DAGLB: variants seen among roughly 807,000 people sequenced by gnomAD.
DAGLB encodes diacylglycerol lipase beta.
Under a neutral mutation model 72.1 loss-of-function variants are expected in DAGLB, and 66 were observed. The ratio of observed to expected loss-of-function variants is 0.92; its 90% confidence interval spans 0.75 to 1.12. The LOEUF is 1.12. Among genes scored for constraint, DAGLB ranks in the 50% most tolerant of loss-of-function variants. The probability of loss-of-function intolerance (pLI) is 0.00; values close to 1 mark genes in which losing one functional copy is unlikely to be tolerated. For missense variants in DAGLB, 1,065 were observed against 884.9 expected, an observed-to-expected ratio of 1.20 and a Z score of -2.58; for synonymous variants, 414 against 359.5, an observed-to-expected ratio of 1.15 and a Z score of -1.71.
At chr7:6,419,572 A>G (rs1320864532) in intron 9 of DAGLB, among the ~76,000 whole-genome samples, 1 of 152,230 alleles carries the variant, frequency 6.6e-6, no homozygotes, top group Non-Finnish European at 1.5e-5. Flanking sequence ...AAATGAAGCC[A>G]AGAGGACAGG....
At chr7:6,415,266 G>A (rs1466843846) in intron 11 of DAGLB, among the ~76,000 whole-genome samples, 2 of 151,768 alleles carry the variant, frequency 1.3e-5, no homozygotes, top group Non-Finnish European at 2.9e-5. Context: ...TCATTATTCT[G>A]AACACTTCTT....
chr7:6,434,142 T>C (rs1254291157), intron 4 of DAGLB, among the ~76,000 whole-genome samples: 2 of 151,856 alleles, frequency 1.3e-5, no homozygotes, highest in Non-Finnish European at 2.9e-5. Context: ...GTGTGCAGGA[T>C]AAGCAGAGAA....
intron 2 of DAGLB, among the ~76,000 whole-genome samples, chr7:6,442,549 G>T (rs981035138): frequency 6.6e-6 from 1 of 152,178 alleles, no homozygotes; most frequent in Non-Finnish European, 1.5e-5. Context: ...GGGCAAATAA[G>T]TTAGATAATG....
At chr7:6,446,965 G>T (rs1052523888) in intron 1 of DAGLB, among the ~76,000 whole-genome samples, 6 of 151,986 alleles carry the variant, frequency 3.9e-5, no homozygotes, top group Non-Finnish European at 8.8e-5. Flanking sequence ...AGTGGTGATC[G>T]CACCACTGCA....
rs368231485 is a variant in DAGLB at position 6,421,286 on chromosome 7, C to T, written c.1218+441G>A. On this transcript the variant is annotated intron_variant, in intron 9 of 14. Coordinates refer to ENST00000297056, the MANE Select transcript of DAGLB (RefSeq NM_139179.4). ...CTTAGAACAAACGAAATCCCACAGC[C>T]TCCCAGGGCTGCTGTGAGAATCAGG... Among the ~76,000 whole-genome samples, 56 of 147,386 alleles carry T rather than the reference C, an allele frequency of 3.8e-4. 3 individuals carry two copies. The highest frequency in any genetic ancestry group is 1.3e-3 in the African/African-American group (51 of 39,096).
intron 2 of DAGLB, 47 bp from the exon 3 acceptor site, chr7:6,436,580 T>C (rs1308781770): frequency 1.2e-6 from 2 of 1,609,422 alleles, no homozygotes; most frequent in Admixed American, 1.7e-5. Flanking sequence ...TCCTCAGAGA[T>C]GAAGAGCTTC....
At chr7:6,433,195 G>C (rs1784545699) in intron 4 of DAGLB, among the ~76,000 whole-genome samples, 1 of 152,186 alleles carries the variant, frequency 6.6e-6, no homozygotes. Flanking sequence ...CTATTCGTCT[G>C]TCTTAAAATT....
chr7:6,410,101 G>A (rs557993902), intron 14 of DAGLB, 29 bp downstream of exon 14: 5 of 1,579,674 alleles, frequency 3.2e-6, no homozygotes, highest in Admixed American at 3.5e-5. Flanking sequence ...GCTCCTGCCT[G>A]CCCACCACAC....
Position 6,432,934 on chromosome 7 carries a change from A to T in DAGLB, c.704T>A (p.Ile235Asn). ...FSDTDLVPSD[I>N]AAGLALLHQQ... Reference sequence around the variant, plus strand: ...ATGAAGCAGGGCGAGGCCCGCCGCAATGTCGCTGGGCACCAGATCTGTGTC... The same window carrying T: ...ATGAAGCAGGGCGAGGCCCGCCGCATTGTCGCTGGGCACCAGATCTGTGTC... The change falls in exon 5 of 15, where the codon ATT becomes AAT. Residue 235 changes from isoleucine to asparagine, a missense_variant. Transcript: ENST00000297056. 1 of 1,613,914 alleles carries T rather than the reference A, an allele frequency of 6.2e-7. No individual in the cohort carries two copies. Among genetic ancestry groups the T allele is most frequent in the East Asian group, 2.2e-5 (1 of 44,860 alleles).
Position 6,412,365 on chromosome 7 carries a change from A to G in DAGLB, c.1569+446T>C, listed in dbSNP as rs1030794602. Among the ~76,000 whole-genome samples the G allele has an allele frequency of 4.6e-5, 7 of 152,230 alleles. 1 individual carries two copies. The highest frequency in any genetic ancestry group is 3.9e-4 in the Admixed American group (6 of 15,282). The stretch of plus-strand genomic sequence containing the variant: ...GCCTTGCTTTCTAAGCTTTCGGACA[A>G]CAAAGCCAAAAGGCATTAACAAACT... On this transcript the variant is annotated intron_variant, in intron 13 of 14. Coordinates refer to ENST00000297056, the MANE Select transcript of DAGLB (RefSeq NM_139179.4).
intron 9 of DAGLB, among the ~76,000 whole-genome samples, chr7:6,420,961 C>T (rs1029038749): frequency 2.0e-5 from 3 of 152,226 alleles, no homozygotes; most frequent in African/African-American, 7.2e-5. Context: ...CTCTCTGCTG[C>T]TCTGAGCTTT....
In DAGLB at chr7:6,409,886, G is replaced by GC; in HGVS notation, c.1969dup (p.Ala657GlyfsTer37). ...CCCTTGTGCTGGACAGGAGACGCAGGCCGCTCTGTCGGAGACCACGCTGTC... is the reference window on the plus strand; with the variant it reads ...CCCTTGTGCTGGACAGGAGACGCAGGCCCGCTCTGTCGGAGACCACGCTGTC... On this transcript the variant is annotated frameshift_variant, in exon 15 of 15. Transcript: ENST00000297056. LOFTEE classifies it low-confidence loss of function (END_TRUNC). 6.2e-7 allele frequency: 1 copy of GC among 1,614,102 alleles called. No individual in the cohort carries two copies. The highest frequency in any genetic ancestry group is 8.5e-7 in the Non-Finnish European group (1 of 1,180,026).
At position 6,412,690 on chromosome 7, in the gene DAGLB, A is replaced by T. The variant is rs545036026; in HGVS notation, c.1569+121T>A. 578 of 1,121,070 alleles carry T rather than the reference A, an allele frequency of 5.2e-4. 5 individuals are homozygous for T. The highest frequency in any genetic ancestry group is 4.0e-3 in the South Asian group (280 of 70,552). 69.4% of individuals were successfully genotyped at this position (1,121,070 alleles called of 1,614,324 possible). On this transcript the variant is annotated intron_variant, in intron 13 of 14. Transcript: ENST00000297056. ...CAGAATCTGATCAGATGGTGGAAGG[A>T]GAACTTCCAGCAACAGCATAGAGTG...
chr7:6,418,020 G>A (rs1014175424), intron 9 of DAGLB, among the ~76,000 whole-genome samples: 22 of 151,940 alleles, frequency 1.4e-4, no homozygotes, highest in Admixed American at 5.3e-4. Flanking sequence ...ACAGGCATGC[G>A]CCATCACACC....
intron 6 of DAGLB, among the ~76,000 whole-genome samples, chr7:6,427,252 G>T (rs931141742): frequency 1.3e-5 from 2 of 152,160 alleles, no homozygotes; most frequent in African/African-American, 4.8e-5. Context: ...AGTAATAGGG[G>T]ACTGAGCATG....
chr7:6,413,040 A>G lies in DAGLB; in HGVS notation c.1428-6T>C. ...AATATTCCTGCAGAGCTTTGCTGAAATTCCAAACAGAGAGAGGATGTTAGC... is the reference window on the plus strand; with the variant it reads ...AATATTCCTGCAGAGCTTTGCTGAAGTTCCAAACAGAGAGAGGATGTTAGC... On this transcript the variant is annotated splice_region_variant and splice_polypyrimidine_tract_variant and intron_variant, in intron 11 of 14. Transcript: ENST00000297056. The G allele has an allele frequency of 6.2e-7, 1 of 1,611,800 alleles. No homozygotes were observed.
intron 8 of DAGLB, 25 bp from the exon 9 acceptor site, chr7:6,421,829 GGCCGTCA>G (rs1401545518): frequency 6.2e-7 from 1 of 1,610,086 alleles, no homozygotes; most frequent in African/African-American, 1.3e-5. Flanking sequence ...TTGCAGAAGC[GGCCGTCA>G]GCCTGTGATG....
At chr7:6,426,449 C>G (rs2115265973) in intron 6 of DAGLB, among the ~76,000 whole-genome samples, 1 of 152,302 alleles carries the variant, frequency 6.6e-6, no homozygotes, top group South Asian at 2.1e-4. Context: ...TTTGTATTTT[C>G]AGTACAGATA....
Position 6,416,772 on chromosome 7 carries a change from G to A in DAGLB, c.1300-18C>T, listed in dbSNP as rs1201012766. 3 of 1,614,024 alleles carry A rather than the reference G, an allele frequency of 1.9e-6. No individual in the cohort carries two copies. The African/African-American group carries it at 4.0e-5, about 22-fold the overall frequency. ...CGGTACTCCTAGAGGACAGACAGCA[G>A]AATGAGGTGAAGGGTAAAAACAACA... On this transcript the variant is annotated intron_variant, in intron 10 of 14. Transcript: ENST00000297056.
Sources: gnomAD v4.1 joint callset for allele counts (sites outside exome capture counted in the v4.1 genomes callset) on GRCh38, gnomAD v4.1.1 for gene constraint, MANE v1.5 for transcripts, NCBI Gene and HGNC (gene_info 2026-07-23, HGNC 2026-07-21) for gene names.